The following COA1 variants were observed in gnomAD, a reference collection of about 807,000 sequenced individuals.
COA1 encodes the protein cytochrome c oxidase assembly factor 1 homolog.
COA1 carries 13 observed loss-of-function variants against 16.0 expected under a neutral mutation model. The observed-to-expected ratio is 0.81, with a 90% CI of 0.53 to 1.29. The LOEUF (loss-of-function observed/expected upper bound fraction) is 1.29. Among genes scored for constraint, COA1 ranks in the 50% most tolerant of loss-of-function variants. COA1 has a pLI of 0.00. For missense variants in COA1, 179 were observed against 177.0 expected (o/e 1.01, Z -0.06); for synonymous variants, 65 against 65.7 (o/e 0.99, Z 0.05).
intron 1 of COA1, among the ~76,000 whole-genome samples, chr7:43,699,236 C>T (rs2094624957): frequency 6.6e-6 from 1 of 152,050 alleles, no homozygotes; most frequent in Admixed American, 6.6e-5. Context: ...CACATATACC[C>T]CTCAGTTAGT....
At chr7:43,685,475 CAA>C (rs2093981150) in intron 1 of COA1, among the ~76,000 whole-genome samples, 1 of 152,170 alleles carries the variant, frequency 6.6e-6, no homozygotes, top group Non-Finnish European at 1.5e-5. Context: ...ATTCTAGGAG[CAA>C]GTTTCCAGAA....
At chr7:43,619,973 T>G (rs374084208) in intron 6 of COA1, among the ~76,000 whole-genome samples, 3 of 152,196 alleles carry the variant, frequency 2.0e-5, no homozygotes, top group African/African-American at 7.2e-5. Context: ...CTAAAAGGAA[T>G]AGGAGAGGAT....
intron 1 of COA1, among the ~76,000 whole-genome samples, chr7:43,679,923 T>C (rs925241249): frequency 2.0e-5 from 3 of 152,064 alleles, no homozygotes; most frequent in Non-Finnish European, 2.9e-5. Flanking sequence ...TAGTAACAGA[T>C]TTCTAAAAGA....
chr7:43,629,669 A>G (rs531377449), intron 6 of COA1, among the ~76,000 whole-genome samples: 1 of 152,300 alleles, frequency 6.6e-6, no homozygotes, highest in African/African-American at 2.4e-5. Flanking sequence ...AGTGGGAGTA[A>G]GTTTGCTTGA....
chr7:43,643,042 C>A (rs1465532418), intron 4 of COA1, among the ~76,000 whole-genome samples: 2 of 152,198 alleles, frequency 1.3e-5, no homozygotes, highest in African/African-American at 2.4e-5. Context: ...ACTCTGAACT[C>A]CTGTCACTGC....
intron 3 of COA1, chr7:43,646,705 T>C: frequency 4.5e-6 from 2 of 441,024 alleles, no homozygotes; most frequent in Non-Finnish European, 9.2e-6. Flanking sequence ...TCAGTCTGAA[T>C]CATTCCTGGG....
chr7:43,610,674 G>T (rs1390337088), intron 6 of COA1, among the ~76,000 whole-genome samples: 1 of 151,936 alleles, frequency 6.6e-6, no homozygotes, highest in East Asian at 1.9e-4. Flanking sequence ...CTCAAAAAAA[G>T]AACTGCTATA....
chr7:43,616,503 C>G (rs1250288424), intron 6 of COA1, among the ~76,000 whole-genome samples: 1 of 152,150 alleles, frequency 6.6e-6, no homozygotes, highest in Non-Finnish European at 1.5e-5. Context: ...GCTGTAGATT[C>G]TTCCCGTTCT....
rs150707834 is a variant in COA1, at chr7:43,694,822, C to T, written c.-39+34607G>A. On this transcript the variant is annotated intron_variant, in intron 1 of 5. Coordinates refer to ENST00000223336, the MANE Select transcript of COA1 (RefSeq NM_018224.4). ...TATTCCAGGCTCATGTTATCACCTG[C>T]GTAGTCCACATCTCAACCTGAATGC... 5.2e-4 allele frequency among the ~76,000 whole-genome samples: 79 copies of T among 152,280 alleles called. No homozygotes were observed. In the East Asian group the frequency reaches 9.9e-3, roughly 19 times the overall value.
At chr7:43,633,363 A>T (rs779520177) in intron 6 of COA1, 3 of 152,176 alleles carry the variant, frequency 2.0e-5, no homozygotes, top group Non-Finnish European at 4.4e-5. Context: ...TGGGGTTATT[A>T]ATTGGCCCAA....
At chr7:43,636,979 C>T (rs967814002), downstream of COA1, among the ~76,000 whole-genome samples, 5 of 152,216 alleles carry the variant, frequency 3.3e-5, no homozygotes, top group Admixed American at 6.5e-5. Context: ...ACTTTACCTG[C>T]GCTCATCTAC....
rs145404511 is a variant in COA1 at position 43,647,596 on chromosome 7, C to G, written c.54G>C (p.Arg18Ser). ...GSRRSMPLGA[R>S]ILFHGVFYAG... ...CATAGAACACACCGTGGAAAAGGAT[C>G]CTTGCTCCCAGAGGCATTGACCGCC... Residue 18 changes from arginine to serine, a missense_variant, in exon 3 of 6, where the codon AGG (arginine) becomes AGC (serine). Physicochemically the swap from Arg to Ser is moderately radical, Grantham distance 110. Transcript: ENST00000223336. The G allele has an allele frequency of 1.6e-5, 26 of 1,613,850 alleles. No homozygotes were observed. The African/African-American group carries it at 3.3e-4, about 21-fold the overall frequency.
At position 43,645,318 on chromosome 7, in the gene COA1, G is replaced by A; in HGVS notation, c.197C>T (p.Pro66Leu). Residue 66 changes from proline to leucine, a missense_variant, in exon 4 of 6, where the codon CCT (proline) becomes CTT (leucine). Coordinates refer to ENST00000223336, the MANE Select transcript of COA1 (RefSeq NM_018224.4). ...SHPEAQEALG[P>L]PLNIHYLKLI... is the part of the protein sequence containing the mutation. ...CTTGAGATAATGGATGTTGAGAGGA[G>A]GGCCCAGAGCTTCCTGTGCCTCGGG... 1 of 1,614,064 alleles carries A rather than the reference G, an allele frequency of 6.2e-7. No individual in the cohort carries two copies. The highest frequency in any genetic ancestry group is 8.5e-7 in the Non-Finnish European group (1 of 1,179,950).
intron 1 of COA1, among the ~76,000 whole-genome samples, chr7:43,723,604 C>G (rs977176595): frequency 1.3e-5 from 2 of 151,202 alleles, no homozygotes; most frequent in African/African-American, 4.9e-5. Flanking sequence ...GTAATTTCCC[C>G]AAAAAGACTA....
intron 2 of COA1, chr7:43,648,162 C>T (rs1178685772): frequency 1.4e-5 from 3 of 210,080 alleles, no homozygotes; most frequent in Non-Finnish European, 1.9e-5. Flanking sequence ...GATGCCAGCT[C>T]GGTAAATACA....
chr7:43,615,565 G>C (rs957980404), intron 6 of COA1, among the ~76,000 whole-genome samples: 3 of 152,136 alleles, frequency 2.0e-5, no homozygotes, highest in African/African-American at 7.2e-5. Flanking sequence ...TGGTACATAG[G>C]TGTTTTTTTC....
At chr7:43,635,348 C>A (rs1299467441), downstream of COA1, among the ~76,000 whole-genome samples, 1 of 152,128 alleles carries the variant, frequency 6.6e-6, no homozygotes, top group East Asian at 1.9e-4. Flanking sequence ...GCAGGGTGCA[C>A]TAGGTTAAGC....
At chr7:43,610,084 C>T (rs903785610) in intron 6 of COA1, among the ~76,000 whole-genome samples, 8 of 152,046 alleles carry the variant, frequency 5.3e-5, no homozygotes, top group East Asian at 1.9e-4. Flanking sequence ...CGGTGGCTCA[C>T]GCCTGTAATC....
chr7:43,684,911 T>C (rs2093947636), intron 1 of COA1, among the ~76,000 whole-genome samples: 1 of 152,006 alleles, frequency 6.6e-6, no homozygotes, highest in African/African-American at 2.4e-5. Flanking sequence ...TTCACATTCA[T>C]CTCCCTCTGA....
Sources: allele counts gnomAD v4.1 joint callset (sites outside exome capture counted in the v4.1 genomes callset), GRCh38; gene constraint gnomAD v4.1.1; transcripts MANE v1.5; gene names NCBI Gene and HGNC (gene_info 2026-07-23, HGNC 2026-07-21).